Variants in EEFSEC observed in about 807,000 individuals in gnomAD.
The protein encoded by EEFSEC is eukaryotic elongation factor, selenocysteine-tRNA specific.
EEFSEC carries 43 observed loss-of-function variants against 42.1 expected under a neutral mutation model. That is an observed-to-expected ratio of 1.02 (90% CI 0.80 to 1.32). EEFSEC has a LOEUF of 1.32. Among genes scored for constraint, EEFSEC ranks in the 40% most tolerant of loss-of-function variants. The pLI is 0.00. For synonymous variants in EEFSEC, 354 were observed against 339.1 expected, an observed-to-expected ratio of 1.04 and a Z score of -0.48; for missense variants, 745 against 803.6, an observed-to-expected ratio of 0.93 and a Z score of 0.88.
intron 1 of EEFSEC, among the ~76,000 whole-genome samples, chr3:128,221,909 A>G (rs1370494893): frequency 6.6e-6 from 1 of 152,214 alleles, no homozygotes; most frequent in African/African-American, 2.4e-5. Context: ...AGAAATTCTA[A>G]GTATTAAAAA....
chr3:128,154,160 A>G (rs985409748), intron 1 of EEFSEC, among the ~76,000 whole-genome samples: 13 of 152,124 alleles, frequency 8.5e-5, no homozygotes, highest in Non-Finnish European at 1.5e-4. Flanking sequence ...CAAGCTACAA[A>G]AAGGGTATAC....
chr3:128,256,522 C>T (rs1056519896), intron 2 of EEFSEC, among the ~76,000 whole-genome samples: 8 of 152,202 alleles, frequency 5.3e-5, no homozygotes, highest in Admixed American at 5.2e-4. Context: ...CTCATCAGCA[C>T]CAAGACACTG....
At chr3:128,293,376 C>T (rs557126253) in intron 4 of EEFSEC, among the ~76,000 whole-genome samples, 20 of 152,150 alleles carry the variant, frequency 1.3e-4, no homozygotes, top group Non-Finnish European at 2.1e-4. Flanking sequence ...TCTGTCTCTC[C>T]TAGTAGATAT....
At chr3:128,244,575 T>C (rs1006944182) in intron 1 of EEFSEC, among the ~76,000 whole-genome samples, 1 of 152,112 alleles carries the variant, frequency 6.6e-6, no homozygotes, top group Non-Finnish European at 1.5e-5. Flanking sequence ...CACTTAAAAT[T>C]ATAATTTTAT....
Position 128,155,554 on chromosome 3 carries a change from A to G in EEFSEC, c.316+1731A>G, listed in dbSNP as rs114690035. On this transcript the variant is annotated intron_variant, in intron 1 of 6. Coordinates refer to ENST00000254730, the MANE Select transcript of EEFSEC (RefSeq NM_021937.5). ...AAACACATGGTATAAAAGGGTATATAGCTAAAGAAGTATACTTCTCACTGC... is the reference window on the plus strand; with the variant it reads ...AAACACATGGTATAAAAGGGTATATGGCTAAAGAAGTATACTTCTCACTGC... Among the ~76,000 whole-genome samples, 1,101 of 152,356 alleles carry G rather than the reference A, an allele frequency of 7.2e-3. 21 individuals carry two copies. Among genetic ancestry groups the G allele is most frequent in the African/African-American group, 0.025 (1,047 of 41,584 alleles).
chr3:128,349,237 G>T (rs112747412), intron 5 of EEFSEC, among the ~76,000 whole-genome samples: 1,876 of 152,224 alleles, frequency 0.012, 21 homozygotes, highest in South Asian at 0.036. Context: ...CTGCAGGGGG[G>T]AGTAATGCAG....
intron 1 of EEFSEC, among the ~76,000 whole-genome samples, chr3:128,233,435 G>C (rs1253755677): frequency 6.6e-6 from 1 of 152,150 alleles, no homozygotes; most frequent in Non-Finnish European, 1.5e-5. Context: ...GAGAACCCTG[G>C]CTTAATTCAT....
chr3:128,223,628 G>A (rs1030589105), intron 1 of EEFSEC, among the ~76,000 whole-genome samples: 14 of 152,164 alleles, frequency 9.2e-5, no homozygotes, highest in African/African-American at 2.2e-4. Flanking sequence ...TTTAAGTAAC[G>A]TTGACACCAC....
chr3:128,198,865 C>A (rs1488327812), intron 1 of EEFSEC, among the ~76,000 whole-genome samples: 3 of 151,696 alleles, frequency 2.0e-5, no homozygotes, highest in Non-Finnish European at 4.4e-5. Context: ...GGAGTCTCAC[C>A]CTGTCGCCCA....
intron 1 of EEFSEC, among the ~76,000 whole-genome samples, chr3:128,194,038 C>T (rs1317789841): frequency 1.3e-5 from 2 of 152,150 alleles, no homozygotes; most frequent in African/African-American, 4.8e-5. Flanking sequence ...AAAAACCCAA[C>T]CAAAAATGAC....
At chr3:128,376,924 G>A (rs2977565) in intron 6 of EEFSEC, among the ~76,000 whole-genome samples, 44,487 of 151,980 alleles carry the variant, frequency 0.29, 6,891 homozygotes, top group East Asian at 0.48. Flanking sequence ...GTCACCTGGG[G>A]GAAGAAGGCC....
At chr3:128,197,827 A>C (rs2065601728) in intron 1 of EEFSEC, among the ~76,000 whole-genome samples, 2 of 152,130 alleles carry the variant, frequency 1.3e-5, no homozygotes, top group Admixed American at 1.3e-4. Flanking sequence ...CGGTTTTGGT[A>C]AATCTTATTT....
chr3:128,321,732 C>T (rs936182165), intron 4 of EEFSEC, among the ~76,000 whole-genome samples: 1 of 152,222 alleles, frequency 6.6e-6, no homozygotes, highest in Non-Finnish European at 1.5e-5. Context: ...GGTGCCAGCA[C>T]TGGGCTGCCT....
chr3:128,309,689 A>C (rs72975392), intron 4 of EEFSEC, among the ~76,000 whole-genome samples: 1 of 152,252 alleles, frequency 6.6e-6, no homozygotes, highest in African/African-American at 2.4e-5. Flanking sequence ...GGAGTGAGGC[A>C]TAAGTCAGAA....
rs576992142 is a variant in EEFSEC, at chr3:128,403,003, G to T, written c.1601-5066G>T. Among the ~76,000 whole-genome samples, 12 of 152,290 alleles carry T rather than the reference G, an allele frequency of 7.9e-5. No homozygotes were observed. The East Asian group carries it at 1.9e-3, about 24-fold the overall frequency. ...AAGGACATCATAGAGGACATTAGAA[G>T]GTGATAAGAGCTATAGGAAAAATAG... On this transcript the variant is annotated intron_variant, in intron 6 of 6. Coordinates refer to ENST00000254730, the MANE Select transcript of EEFSEC (RefSeq NM_021937.5).
At chr3:128,379,381 G>A (rs1457148420) in intron 6 of EEFSEC, among the ~76,000 whole-genome samples, 1 of 152,204 alleles carries the variant, frequency 6.6e-6, no homozygotes, top group Non-Finnish European at 1.5e-5. Flanking sequence ...TTTATACCCA[G>A]CGTTTGAAAC....
At chr3:128,378,809 C>G (rs1357509134) in intron 6 of EEFSEC, among the ~76,000 whole-genome samples, 1 of 152,220 alleles carries the variant, frequency 6.6e-6, no homozygotes, top group East Asian at 1.9e-4. Context: ...CACTCCCGTC[C>G]CACAGGGAGG....
At chr3:128,176,533 T>C (rs1576519928) in intron 1 of EEFSEC, among the ~76,000 whole-genome samples, 1 of 152,150 alleles carries the variant, frequency 6.6e-6, no homozygotes, top group Admixed American at 6.5e-5. Context: ...CACTGATAGG[T>C]ACCAATCACT....
chr3:128,311,493 T>G (rs1487553216), intron 4 of EEFSEC, among the ~76,000 whole-genome samples: 1 of 152,254 alleles, frequency 6.6e-6, no homozygotes, highest in Non-Finnish European at 1.5e-5. Flanking sequence ...AAAGCCTGCA[T>G]GGTCCCGTGA....
Sources: allele counts gnomAD v4.1 joint callset (sites outside exome capture counted in the v4.1 genomes callset), GRCh38; gene constraint gnomAD v4.1.1; transcripts MANE v1.5; gene names NCBI Gene and HGNC (gene_info 2026-07-23, HGNC 2026-07-21).